Variants in DRAP1 observed in about 807,000 individuals in gnomAD.
The protein encoded by DRAP1 is DR1 associated protein 1.
A neutral mutation model predicts 24.1 loss-of-function variants in DRAP1; 10 were observed. That is an observed-to-expected ratio of 0.41 (90% confidence interval 0.26 to 0.70). The LOEUF (loss-of-function observed/expected upper bound fraction) is 0.70, where lower values mean the gene tolerates loss of function less well. DRAP1 is among the 30% of genes least tolerant of loss of function. DRAP1 has a pLI of 0.29. For missense variants in DRAP1, 264 were observed against 275.6 expected, an observed-to-expected ratio of 0.96 and a Z score of 0.30; for synonymous variants, 122 against 113.8, an observed-to-expected ratio of 1.07 and a Z score of -0.46.
In DRAP1 at chr11:65,920,350, T is replaced by C; in HGVS notation, c.217T>C (p.Cys73Arg). 6.2e-7 allele frequency: 1 copy of C among 1,614,024 alleles called. No individual in the cohort carries two copies. The highest frequency in any genetic ancestry group is 8.5e-7 in the Non-Finnish European group (1 of 1,180,014). Residue 73 changes from cysteine to arginine, a missense_variant, in exon 4 of 7, where the codon TGC becomes CGC. This residue lies in a region of DRAP1 where 243 missense variants were observed against 233.6 expected (regional missense o/e 1.04). Coordinates refer to ENST00000312515, the MANE Select transcript of DRAP1 (RefSeq NM_006442.4). Reference protein sequence around the residue: ...KTMTTSHLKQCIELEQQFDFL... With the variant: ...KTMTTSHLKQRIELEQQFDFL... ...CCTCCTCACCTCTTCCAGGAAGCAG[T>C]GCATCGAGCTGGAGCAGCAGTTTGA...
In DRAP1 at chr11:65,919,766, T is replaced by A. The variant is rs754831595; in HGVS notation, c.43-14T>A. On this transcript the variant is annotated splice_polypyrimidine_tract_variant and intron_variant, in intron 1 of 6. Transcript: ENST00000312515. ...GGTGGCGACGGGGTCTGAACTCTGC[T>A]CCCCCACCCGCAGGCGCGGATCAAG... The A allele has an allele frequency of 6.2e-7, 1 of 1,612,454 alleles. No homozygotes were observed. The highest frequency in any genetic ancestry group is 8.5e-7 in the Non-Finnish European group (1 of 1,179,854).
chr11:65,920,178 G>A, intron 3 of DRAP1, 137 bp downstream of exon 3: 1 of 1,422,020 alleles, frequency 7.0e-7, no homozygotes, highest in Non-Finnish European at 9.6e-7. Flanking sequence ...CAGAGGAGAG[G>A]CTGGGCTTCC....
At chr11:65,919,670 C>T (rs989548505) in intron 1 of DRAP1, 110 bp from the exon 2 acceptor site, 200 of 1,520,734 alleles carry the variant, frequency 1.3e-4, no homozygotes, top group Non-Finnish European at 1.7e-4. Flanking sequence ...TCCATGCCCT[C>T]CCCGCGTCCG....
chr11:65,919,606 C>A, intron 1 of DRAP1, 63 bp downstream of exon 1: 2 of 1,544,784 alleles, frequency 1.3e-6, no homozygotes, highest in Non-Finnish European at 1.7e-6. Flanking sequence ...GGCCCAGTTC[C>A]CGCTGGGCAG....
At chr11:65,919,652 C>T (rs1854522112) in intron 1 of DRAP1, 109 bp downstream of exon 1, 1 of 1,520,252 alleles carries the variant, frequency 6.6e-7, no homozygotes, top group Non-Finnish European at 8.9e-7. Flanking sequence ...CCTGGACGCC[C>T]CGCCCCCTCC....
rs754831595 is a variant in DRAP1 at position 65,919,766 on chromosome 11, T to C, written c.43-14T>C. 3.7e-6 allele frequency: 6 copies of C among 1,612,336 alleles called. No individual in the cohort carries two copies. The highest frequency in any genetic ancestry group is 2.2e-5 in the East Asian group (1 of 44,856). ...GGTGGCGACGGGGTCTGAACTCTGC[T>C]CCCCCACCCGCAGGCGCGGATCAAG... On this transcript the variant is annotated splice_polypyrimidine_tract_variant and intron_variant, in intron 1 of 6. Coordinates refer to ENST00000312515, the MANE Select transcript of DRAP1 (RefSeq NM_006442.4).
intron 5 of DRAP1, 84 bp from the exon 6 acceptor site, chr11:65,920,800 A>G: frequency 6.7e-7 from 1 of 1,487,934 alleles, no homozygotes; most frequent in Non-Finnish European, 9.1e-7. Context: ...AATTGGGGCT[A>G]TGAGGGTCTA....
rs777230237 is a variant in DRAP1, at chr11:65,919,968, C to A, written c.136C>A (p.Leu46Ile). The change falls in exon 3 of 7, where the codon CTA (leucine) becomes ATA (isoleucine). Residue 46 changes from leucine to isoleucine, a missense_variant. By Grantham distance (5) the Leu-to-Ile change is conservative (BLOSUM62 2). Transcript: ENST00000312515. Reference sequence around the variant, plus strand: ...CTCAGCCCGGGCGCTCGAGCTCTTCCTAGAGTCGCTGTTGAAGAAGGCCTG... The same window carrying A: ...CTCAGCCCGGGCGCTCGAGCTCTTCATAGAGTCGCTGTTGAAGAAGGCCTG... ...VIISRALELF[L>I]ESLLKKACQV... 1.2e-6 allele frequency: 2 copies of A among 1,613,880 alleles called. No individual in the cohort carries two copies. Among genetic ancestry groups the A allele is most frequent in the Admixed American group, 3.3e-5 (2 of 60,032 alleles).
chr11:65,921,110 A>G, intron 6 of DRAP1, 138 bp downstream of exon 6: 1 of 726,156 alleles, frequency 1.4e-6, no homozygotes, highest in African/African-American at 1.8e-5. Context: ...GGAGGGCTTG[A>G]AGGCAGGAGA....
chr11:65,921,276 G>C, intron 6 of DRAP1, 54 bp from the exon 7 acceptor site: 1 of 1,096,244 alleles, frequency 9.1e-7, no homozygotes, highest in Non-Finnish European at 1.4e-6. Context: ...AGCTGCCCCT[G>C]TGGAGGGCAC....
chr11:65,920,016 G>A lies in DRAP1; in HGVS notation c.184G>A (p.Ala62Thr). 1 of 1,613,632 alleles carries A rather than the reference G, an allele frequency of 6.2e-7. No individual in the cohort carries two copies. Among genetic ancestry groups the A allele is most frequent in the Non-Finnish European group, 8.5e-7 (1 of 1,179,910 alleles). Reference protein sequence around the residue: ...KACQVTQSRNAKTMTTSHLKQ... With the variant: ...KACQVTQSRNTKTMTTSHLKQ... ...CTGCCAGGTGACCCAGTCGCGGAAC[G>A]CGAAGACCATGACCACATCCCACCT... Residue 62 changes from alanine (A) to threonine (T), a missense_variant, in exon 3 of 7, where the codon GCG (alanine) becomes ACG (threonine). Physicochemically the swap from Ala to Thr is moderately conservative, Grantham distance 58 (BLOSUM62 0). Around this residue, in one of 2 missense-constraint regions of DRAP1, gnomAD observed 243 missense variants for 233.6 expected, o/e 1.04. Transcript: ENST00000312515.
In DRAP1 at chr11:65,920,214, G is replaced by C. The variant is rs148584514; in HGVS notation, c.210-129G>C. 8.9e-3 allele frequency: 13,296 copies of C among 1,493,176 alleles called. 1,907 individuals are homozygous for C. The Admixed American group carries it at 0.24, about 27-fold the overall frequency. 92.5% of individuals were successfully genotyped at this position (1,493,176 alleles called of 1,614,324 possible). On this transcript the variant is annotated intron_variant, in intron 3 of 6. Transcript: ENST00000312515. ...AGGCAGAGGGAGCCACCTGAGTAAA[G>C]CAGGGCAGGCCCGGGAGCGGAGATC... is the stretch of plus-strand genomic sequence containing the variant.
intron 3 of DRAP1, 87 bp downstream of exon 3, chr11:65,920,128 G>A: frequency 6.6e-7 from 1 of 1,526,700 alleles, no homozygotes; most frequent in Non-Finnish European, 8.9e-7. Context: ...TGGCGAGGGA[G>A]GTGGGCGGCA....
intron 1 of DRAP1, 86 bp downstream of exon 1, chr11:65,919,629 C>T (rs550152736): frequency 1.3e-6 from 2 of 1,538,598 alleles, no homozygotes; most frequent in East Asian, 4.9e-5. Context: ...GGGCGCGCCG[C>T]GGTGTTCGGG....
At chr11:65,920,503 C>T in intron 4 of DRAP1, 41 bp downstream of exon 4, 1 of 1,612,766 alleles carries the variant, frequency 6.2e-7, no homozygotes, top group South Asian at 1.1e-5. Context: ...AGGCCAAGGC[C>T]ACAGGGCTTG....
At chr11:65,921,142 C>T in intron 6 of DRAP1, 170 bp downstream of exon 6, 1 of 677,224 alleles carries the variant, frequency 1.5e-6, no homozygotes, top group Non-Finnish European at 2.5e-6. Flanking sequence ...AAAGATCCTG[C>T]TCCACCCTGC....
chr11:65,921,479 G>T lies in DRAP1; in HGVS notation c.*44G>T. 1 of 975,326 alleles carries T rather than the reference G, an allele frequency of 1.0e-6. No individual in the cohort carries two copies. 60.4% of individuals were successfully genotyped at this position (975,326 alleles called of 1,614,324 possible). A position where few individuals can be genotyped will look rare whatever the true frequency, so the allele number is the denominator to read the frequency against. Reference sequence around the variant, plus strand: ...CCATAGCCCCTTTTAGTTGGTTTTAGTTGCTCTGGGGGGAGGAGAGAAGGT... The same window carrying T: ...CCATAGCCCCTTTTAGTTGGTTTTATTTGCTCTGGGGGGAGGAGAGAAGGT... On this transcript the variant is annotated 3_prime_UTR_variant, in exon 7 of 7. Transcript: ENST00000312515.
chr11:65,921,458 A>T lies in DRAP1; in HGVS notation c.*23A>T, dbSNP rs752537422. The stretch of plus-strand genomic sequence containing the variant: ...TAGCGCCTTCTGCCCCCCAGACCAT[A>T]GCCCCTTTTAGTTGGTTTTAGTTGC... On this transcript the variant is annotated 3_prime_UTR_variant, in exon 7 of 7. Coordinates refer to ENST00000312515, the MANE Select transcript of DRAP1 (RefSeq NM_006442.4). The T allele has an allele frequency of 2.3e-6, 3 of 1,289,204 alleles. No individual in the cohort carries two copies. Among genetic ancestry groups the T allele is most frequent in the Non-Finnish European group, 3.4e-6 (3 of 892,112 alleles). 79.9% of individuals were successfully genotyped at this position (1,289,204 alleles called of 1,614,324 possible).
chr11:65,919,685 C>T (rs1854522710), intron 1 of DRAP1, 95 bp from the exon 2 acceptor site: 1 of 1,549,486 alleles, frequency 6.5e-7, no homozygotes, highest in Non-Finnish European at 8.8e-7. Context: ...CGTCCGTGTC[C>T]CCCGCCCCCT....
Sources: allele counts gnomAD v4.1 joint callset, GRCh38; gene constraint gnomAD v4.1.1; regional missense constraint gnomAD v4.1.1; transcripts MANE v1.5; gene names NCBI Gene and HGNC (gene_info 2026-07-23, HGNC 2026-07-21).